The following SHPRH variants were observed in gnomAD, a reference collection of about 807,000 sequenced individuals.
SHPRH encodes the protein E3 ubiquitin-protein ligase SHPRH.
SHPRH carries 106 observed loss-of-function variants against 202.5 expected under a neutral mutation model. The ratio of observed to expected loss-of-function variants is 0.52; its 90% CI spans 0.45 to 0.62. The LOEUF is 0.62. Among genes scored for constraint, SHPRH ranks in the 20% least tolerant of loss-of-function variants. The pLI, the probability that SHPRH is intolerant of heterozygous loss-of-function variation, is 0.00. For missense variants in SHPRH, 1,710 were observed against 2,020.0 expected, an observed-to-expected ratio of 0.85 and a Z score of 2.94; for synonymous variants, 729 against 686.0, an observed-to-expected ratio of 1.06 and a Z score of -0.98.
chr6:145,945,590 T>G lies in SHPRH; in HGVS notation c.1369A>C (p.Lys457Gln), dbSNP rs780885652. 3.1e-6 allele frequency: 5 copies of G among 1,612,534 alleles called. No homozygotes were observed. In the African/African-American group the frequency reaches 6.7e-5, roughly 22 times the overall value. The change falls in exon 8 of 30, where the codon AAA (lysine) becomes CAA (glutamine). Residue 457 changes from lysine (K) to glutamine (Q), a missense_variant. By Grantham distance (53) the Lys-to-Gln change is moderately conservative. Coordinates refer to ENST00000275233, the MANE Select transcript of SHPRH (RefSeq NM_001042683.3). ...LTAVKEMNGK[K>Q]GVSILSIYKY... ...TAGATGGAAAGGATGGACACTCCTTTTTTTCCATTCATTTCTTTCACAGCT... is the reference window on the plus strand; with the variant it reads ...TAGATGGAAAGGATGGACACTCCTTGTTTTCCATTCATTTCTTTCACAGCT...
At position 145,963,907 on chromosome 6, in the gene SHPRH, A is replaced by C. The variant is rs771520078; in HGVS notation, c.-209T>G. 6.6e-6 allele frequency: 1 copy of C among 152,286 alleles called. No individual in the cohort carries two copies. Among genetic ancestry groups the C allele is most frequent in the Non-Finnish European group, 1.5e-5 (1 of 68,090 alleles). The allele number at this position is 152,286 out of a possible 1,614,324, so 9.4% of individuals were successfully genotyped here. ...AGACAAACACCGCAGGCCCCAGTGC[A>C]TGAGGAGAAGCACAGCCTCCTTTCC... On this transcript the variant is annotated 5_prime_UTR_variant, in exon 1 of 30. It removes an upstream start codon present in the reference 5' UTR. Coordinates refer to ENST00000275233, the MANE Select transcript of SHPRH (RefSeq NM_001042683.3).
chr6:145,961,895 T>C (rs927514263), intron 1 of SHPRH, among the ~76,000 whole-genome samples: 5 of 152,228 alleles, frequency 3.3e-5, no homozygotes, highest in Non-Finnish European at 7.3e-5. Context: ...AAGAAAATAG[T>C]ATTTGGTCAA....
chr6:145,959,585 T>G (rs1430419916), intron 1 of SHPRH, among the ~76,000 whole-genome samples: 1 of 152,210 alleles, frequency 6.6e-6, no homozygotes, highest in Non-Finnish European at 1.5e-5. Flanking sequence ...AAGTGATGCA[T>G]GACTATAAAT....
At chr6:145,910,125 T>A (rs934454093) in intron 25 of SHPRH, 1 of 196,702 alleles carries the variant, frequency 5.1e-6, no homozygotes, top group Non-Finnish European at 1.0e-5. Context: ...TTTAAATAAA[T>A]CTCTAATGTA....
At chr6:145,958,984 C>T (rs1788791817) in intron 1 of SHPRH, among the ~76,000 whole-genome samples, 1 of 152,102 alleles carries the variant, frequency 6.6e-6, no homozygotes, top group African/African-American at 2.4e-5. Context: ...AGGCGCCTGC[C>T]ACTATGCCCA....
chr6:145,877,830 CAACT>C (rs1780373111), intron 2 of SHPRH: 1 of 152,176 alleles, frequency 6.6e-6, no homozygotes, highest in Admixed American at 6.5e-5. Flanking sequence ...CAAATTCAAC[CAACT>C]GTCCACCCGA....
intron 5 of SHPRH, 62 bp from the exon 6 acceptor site, chr6:145,947,705 A>G: frequency 1.2e-5 from 19 of 1,574,450 alleles, no homozygotes; most frequent in Non-Finnish European, 1.5e-5. Context: ...CAATGTTCCT[A>G]ATTACTTTTC....
At chr6:145,866,551 C>T (rs375828100) in intron 2 of SHPRH, among the ~76,000 whole-genome samples, 12 of 150,470 alleles carry the variant, frequency 8.0e-5, no homozygotes, top group African/African-American at 2.2e-4. Context: ...ACAAACAGGA[C>T]GTGGTTTTAT....
downstream of SHPRH, among the ~76,000 whole-genome samples, chr6:145,881,888 G>A (rs1402906801): frequency 2.0e-5 from 3 of 152,150 alleles, no homozygotes; most frequent in Non-Finnish European, 4.4e-5. Flanking sequence ...TGGATCGCTT[G>A]AACCCAGGAG....
At chr6:145,870,920 T>G (rs1780029441) in intron 2 of SHPRH, 1 of 152,200 alleles carries the variant, frequency 6.6e-6, no homozygotes. Context: ...CATGTGATTT[T>G]TCTTCTTAGG....
chr6:145,887,712 T>C (rs959878506), intron 29 of SHPRH, among the ~76,000 whole-genome samples: 48 of 152,166 alleles, frequency 3.2e-4, no homozygotes, highest in Non-Finnish European at 2.6e-4. Flanking sequence ...TTTTTGTGTT[T>C]TTAGTAGAGA....
In SHPRH at chr6:145,945,536, C is replaced by G; in HGVS notation, c.1423G>C (p.Asp475His). Residue 475 changes from aspartate to histidine, a missense_variant, in exon 8 of 30, where the codon GAT becomes CAT. Coordinates refer to ENST00000275233, the MANE Select transcript of SHPRH (RefSeq NM_001042683.3). ...AAAAGACTCCTGTTCCGTTGAACAT[C>G]GTATCTATATATAGAACTGACATAC... is the stretch of plus-strand genomic sequence containing the variant. ...YKYVSSIYRY[D>H]VQRNRSLLKR... 1 of 1,613,200 alleles carries G rather than the reference C, an allele frequency of 6.2e-7. No individual in the cohort carries two copies. Among genetic ancestry groups the G allele is most frequent in the Non-Finnish European group, 8.5e-7 (1 of 1,179,578 alleles).
intron 14 of SHPRH, among the ~76,000 whole-genome samples, chr6:145,931,207 G>A (rs1384315767): frequency 6.6e-6 from 1 of 151,744 alleles, no homozygotes; most frequent in East Asian, 1.9e-4. Context: ...CTCTTAATTG[G>A]GATATTTAGA....
downstream of SHPRH, chr6:145,881,586 C>G (rs1780573870): frequency 6.6e-6 from 1 of 152,162 alleles, no homozygotes; most frequent in Non-Finnish European, 1.5e-5. Context: ...TAGGAAGCTG[C>G]TGGAAGGTAC....
chr6:145,952,456 G>A lies in SHPRH; in HGVS notation c.656C>T (p.Ala219Val). The stretch of plus-strand genomic sequence containing the variant: ...CAAGAAGTCTAGTTTTGCTAGGCCA[G>A]CTTCCAAAAGATAAATTCCAACCTA... Reference protein sequence around the residue: ...IIKVGIYLLEAGLAKLDFLSD... With the variant: ...IIKVGIYLLEVGLAKLDFLSD... Residue 219 changes from alanine (A) to valine (V), a missense_variant, in exon 3 of 30, where the codon GCT (alanine) becomes GTT (valine). By Grantham distance (64) the Ala-to-Val change is moderately conservative. Coordinates refer to ENST00000275233, the MANE Select transcript of SHPRH (RefSeq NM_001042683.3). 1 of 1,605,706 alleles carries A rather than the reference G, an allele frequency of 6.2e-7. No individual in the cohort carries two copies. Among genetic ancestry groups the A allele is most frequent in the Non-Finnish European group, 8.5e-7 (1 of 1,176,112 alleles).
intron 20 of SHPRH, among the ~76,000 whole-genome samples, chr6:145,921,907 C>T (rs958208098): frequency 6.6e-6 from 1 of 151,982 alleles, no homozygotes; most frequent in African/African-American, 2.4e-5. Context: ...AAAGTAATAA[C>T]ATATTTGATT....
chr6:145,940,430 G>A (rs1786643360), intron 11 of SHPRH, among the ~76,000 whole-genome samples: 1 of 119,376 alleles, frequency 8.4e-6, no homozygotes, highest in South Asian at 2.8e-4. Flanking sequence ...TATGACTTTG[G>A]AACTCTAATT....
chr6:145,943,076 T>A, intron 9 of SHPRH, 67 bp downstream of exon 9: 1 of 1,479,048 alleles, frequency 6.8e-7, no homozygotes, highest in Admixed American at 2.3e-5. Flanking sequence ...AAACAAAGAT[T>A]AGGAAACTAT....
chr6:145,864,179 T>A (rs1371586489), downstream of SHPRH: 2 of 193,824 alleles, frequency 1.0e-5, no homozygotes, highest in African/African-American at 4.7e-5. Flanking sequence ...AGGTCTATCA[T>A]CTATATTCTC....
Sources: gnomAD v4.1 joint callset for allele counts (sites outside exome capture counted in the v4.1 genomes callset) on GRCh38, gnomAD v4.1.1 for gene constraint, MANE v1.5 for transcripts, NCBI Gene and HGNC (gene_info 2026-07-23, HGNC 2026-07-21) for gene names.